MIPOL1: variants seen among roughly 807,000 people sequenced by gnomAD.
MIPOL1 encodes the protein mirror-image polydactyly gene 1 protein.
A neutral mutation model predicts 60.9 loss-of-function variants in MIPOL1; 57 were observed. The observed-to-expected ratio is 0.94, with a 90% CI of 0.76 to 1.17. MIPOL1 has a LOEUF of 1.17. MIPOL1 is among the 50% of genes most tolerant of loss of function. The pLI, the probability that MIPOL1 is intolerant of heterozygous loss-of-function variation, is 0.00. For missense variants in MIPOL1, 551 were observed against 511.6 expected, an observed-to-expected ratio of 1.08 and a Z score of -0.74; for synonymous variants, 179 against 168.8, an observed-to-expected ratio of 1.06 and a Z score of -0.47.
intron 11 of MIPOL1, 46 bp downstream of exon 11, chr14:37,422,995 G>C: frequency 8.1e-7 from 1 of 1,232,444 alleles, no homozygotes; most frequent in Non-Finnish European, 1.2e-6. Context: ...TGTTAGTTTG[G>C]GAAATGTTTC....
chr14:37,265,921 C>A (rs1268879991), intron 3 of MIPOL1, among the ~76,000 whole-genome samples: 3 of 151,990 alleles, frequency 2.0e-5, no homozygotes, highest in Admixed American at 6.6e-5. Flanking sequence ...TACTACTGAA[C>A]AAAATGAGAA....
chr14:37,503,118 G>C (rs527609450), intron 12 of MIPOL1: 4 of 152,140 alleles, frequency 2.6e-5, no homozygotes, highest in African/African-American at 4.8e-5. Context: ...ATGGGATTAC[G>C]TGAAAAGACC....
chr14:37,450,859 A>T (rs1488524069), intron 11 of MIPOL1, among the ~76,000 whole-genome samples: 2 of 152,136 alleles, frequency 1.3e-5, no homozygotes, highest in African/African-American at 4.8e-5. Flanking sequence ...TATAAATATA[A>T]AATCGTGTCC....
At chr14:37,240,162 C>T (rs10149111) in intron 1 of MIPOL1, among the ~76,000 whole-genome samples, 15,691 of 151,962 alleles carry the variant, frequency 0.1, 2,651 homozygotes, top group African/African-American at 0.36. Flanking sequence ...TTTATTCTTC[C>T]GTATATGCCT....
chr14:37,365,362 A>T (rs2092434890), intron 9 of MIPOL1, among the ~76,000 whole-genome samples: 1 of 152,072 alleles, frequency 6.6e-6, no homozygotes, highest in African/African-American at 2.4e-5. Context: ...TGTGGCTTTT[A>T]TTATGTTAAT....
rs116829177 is a variant in MIPOL1 at position 37,427,112 on chromosome 14, G to A, written c.1031+4163G>A. On this transcript the variant is annotated intron_variant, in intron 11 of 12. Coordinates refer to ENST00000684589, the MANE Select transcript of MIPOL1 (RefSeq NM_001388067.1). ...TAAGGACAAGCAGTTACTGTACACCGATGTTTATGAAAGCATTGTTCATAT... is the reference window on the plus strand; with the variant it reads ...TAAGGACAAGCAGTTACTGTACACCAATGTTTATGAAAGCATTGTTCATAT... 5.8e-3 allele frequency among the ~76,000 whole-genome samples: 876 copies of A among 152,188 alleles called. 10 individuals are homozygous for A. Among genetic ancestry groups the A allele is most frequent in the African/African-American group, 0.02 (838 of 41,514 alleles).
chr14:37,461,087 A>G (rs528708879), intron 11 of MIPOL1, among the ~76,000 whole-genome samples: 1 of 152,332 alleles, frequency 6.6e-6, no homozygotes, highest in Non-Finnish European at 1.5e-5. Context: ...TGGAGGCATC[A>G]CATTACCTGA....
intron 7 of MIPOL1, among the ~76,000 whole-genome samples, chr14:37,296,930 A>G (rs1274334759): frequency 2.6e-5 from 4 of 152,340 alleles, no homozygotes; most frequent in African/African-American, 9.6e-5. Context: ...ATAGAAAAAG[A>G]GGGAATCCTC....
At chr14:37,432,790 G>T (rs973420322) in intron 11 of MIPOL1, among the ~76,000 whole-genome samples, 1 of 152,050 alleles carries the variant, frequency 6.6e-6, no homozygotes, top group Non-Finnish European at 1.5e-5. Flanking sequence ...TGGTTGCTTT[G>T]TTTGGTCTGC....
chr14:37,326,277 G>A (rs2153450531), intron 9 of MIPOL1, among the ~76,000 whole-genome samples: 1 of 152,312 alleles, frequency 6.6e-6, no homozygotes, highest in East Asian at 1.9e-4. Flanking sequence ...GGGGGACATG[G>A]TAAGACTAAT....
At chr14:37,236,720 G>A (rs1971550757) in intron 1 of MIPOL1, among the ~76,000 whole-genome samples, 2 of 151,964 alleles carry the variant, frequency 1.3e-5, no homozygotes. Context: ...TCACAGGTGT[G>A]AGCTACCACG....
At chr14:37,521,337 A>T (rs1410665395) in intron 12 of MIPOL1, among the ~76,000 whole-genome samples, 1 of 152,188 alleles carries the variant, frequency 6.6e-6, no homozygotes, top group East Asian at 1.9e-4. Flanking sequence ...GTATATGAAA[A>T]ACTAAATTGA....
intron 1 of MIPOL1, among the ~76,000 whole-genome samples, chr14:37,200,150 T>C (rs1964995124): frequency 6.6e-6 from 1 of 152,192 alleles, no homozygotes; most frequent in Non-Finnish European, 1.5e-5. Context: ...AGACAATAAG[T>C]GTAGGCAGCC....
At chr14:37,327,318 C>T (rs140773732) in intron 9 of MIPOL1, among the ~76,000 whole-genome samples, 132 of 151,644 alleles carry the variant, frequency 8.7e-4, no homozygotes, top group African/African-American at 3.0e-3. Context: ...GACAGGTTCT[C>T]GCTCTGTTGC....
chr14:37,251,393 A>G (rs1460283815), intron 3 of MIPOL1, among the ~76,000 whole-genome samples: 1 of 152,114 alleles, frequency 6.6e-6, no homozygotes, highest in Non-Finnish European at 1.5e-5. Flanking sequence ...GGAGTTAAAA[A>G]AACAGTCCTG....
intron 11 of MIPOL1, among the ~76,000 whole-genome samples, chr14:37,465,564 A>AT (rs2094587993): frequency 6.6e-6 from 1 of 151,932 alleles, no homozygotes; most frequent in Admixed American, 6.6e-5. Context: ...TATTCTAATA[A>AT]TTTTTTCTTT....
At chr14:37,230,475 T>A (rs186684218) in intron 1 of MIPOL1, among the ~76,000 whole-genome samples, 51 of 152,282 alleles carry the variant, frequency 3.3e-4, no homozygotes, top group Admixed American at 8.5e-4. Flanking sequence ...TGGAGTAGCT[T>A]TGTATATTTT....
chr14:37,315,738 GATT>G (rs1185573697), intron 9 of MIPOL1, among the ~76,000 whole-genome samples: 1 of 152,110 alleles, frequency 6.6e-6, no homozygotes, highest in African/African-American at 2.4e-5. Flanking sequence ...GTATATTTGA[GATT>G]ATTCTTAAAA....
At chr14:37,480,290 A>G (rs1425758906) in intron 11 of MIPOL1, among the ~76,000 whole-genome samples, 1 of 152,180 alleles carries the variant, frequency 6.6e-6, no homozygotes, top group East Asian at 1.9e-4. Flanking sequence ...GATAACATAG[A>G]TGTAAAAATT....
Sources: gnomAD v4.1 joint callset for allele counts (sites outside exome capture counted in the v4.1 genomes callset) on GRCh38, gnomAD v4.1.1 for gene constraint, MANE v1.5 for transcripts, NCBI Gene and HGNC (gene_info 2026-07-23, HGNC 2026-07-21) for gene names.